The following RASA3 variants were observed in gnomAD, a reference collection of about 807,000 sequenced individuals.
The protein encoded by RASA3 is RAS p21 protein activator 3.
In RASA3, 73 loss-of-function variants were observed where a neutral mutation model predicts 110.0. That is an observed-to-expected ratio of 0.66 (90% CI 0.55 to 0.81). RASA3 has a LOEUF of 0.81. Among genes scored for constraint, RASA3 ranks in the 30% least tolerant of loss-of-function variants. The probability of loss-of-function intolerance (pLI) is 0.00; values close to 1 mark genes in which losing one functional copy is unlikely to be tolerated. For synonymous variants in RASA3, 500 were observed against 451.4 expected (o/e 1.11, Z -1.37); for missense variants, 976 against 1,113.2 (o/e 0.88, Z 1.75).
chr13:113,998,523 T>C (rs1322521306), intron 20 of RASA3, among the ~76,000 whole-genome samples: 2 of 152,222 alleles, frequency 1.3e-5, no homozygotes, highest in Non-Finnish European at 1.5e-5. Context: ...CCAGCCAGCA[T>C]GTGTCAGGGT....
At chr13:114,102,694 G>C (rs2080075177) in intron 1 of RASA3, among the ~76,000 whole-genome samples, 1 of 152,188 alleles carries the variant, frequency 6.6e-6, no homozygotes, top group African/African-American at 2.4e-5. Flanking sequence ...CACAGCCAAG[G>C]CTGCGGCGTC....
intron 1 of RASA3, among the ~76,000 whole-genome samples, chr13:114,092,508 G>T (rs185017123): frequency 8.5e-5 from 13 of 152,104 alleles, no homozygotes; most frequent in East Asian, 1.9e-4. Context: ...TAGTTTTTTT[G>T]ATTGTGTTGA....
intron 2 of RASA3, among the ~76,000 whole-genome samples, chr13:114,068,463 C>G (rs972936097): frequency 1.3e-5 from 2 of 152,264 alleles, no homozygotes; most frequent in African/African-American, 2.4e-5. Flanking sequence ...AATATTCTTG[C>G]AAATGACTGG....
chr13:114,105,530 C>T (rs72659567), intron 1 of RASA3, among the ~76,000 whole-genome samples: 22,318 of 152,152 alleles, frequency 0.15, 1,895 homozygotes, highest in Middle Eastern at 0.21. Context: ...TCCTCCAGCA[C>T]GGGGACAGGG....
At chr13:114,002,276 G>C (rs1309306476) in intron 18 of RASA3, among the ~76,000 whole-genome samples, 1 of 152,240 alleles carries the variant, frequency 6.6e-6, no homozygotes, top group East Asian at 1.9e-4. Flanking sequence ...TGGCCAGAGA[G>C]CTGTGGACGC....
At chr13:113,984,724 T>TCCAC (rs2053013116) in intron 22 of RASA3, among the ~76,000 whole-genome samples, 1 of 73,332 alleles carries the variant, frequency 1.4e-5, no homozygotes, top group African/African-American at 4.4e-5. Context: ...TGTCCATCCA[T>TCCAC]CCATCACTCA....
rs1182551465 is a variant in RASA3 at position 114,009,456 on chromosome 13, A to C, written c.1599T>G (p.Phe533Leu). The C allele has an allele frequency of 3.7e-6, 6 of 1,609,212 alleles. No individual in the cohort carries two copies. The highest frequency in any genetic ancestry group is 5.1e-6 in the Non-Finnish European group (6 of 1,176,924). The change falls in exon 17 of 24, where the codon TTT (phenylalanine) becomes TTG (leucine). Residue 533 changes from phenylalanine (F) to leucine (L), a missense_variant. Around this residue, in one of 4 missense-constraint regions of RASA3, gnomAD observed 732 missense variants for 779.7 expected, o/e 0.94. Coordinates refer to ENST00000334062, the MANE Select transcript of RASA3 (RefSeq NM_007368.4). Reference sequence around the variant, plus strand: ...AAAATGTAGCCATGTAGGACTCCTTAAAACTCGCCTAAAATGAAACGGAGA... The same window carrying C: ...AAAATGTAGCCATGTAGGACTCCTTCAAACTCGCCTAAAATGAAACGGAGA... ...GSLSKSKSAS[F>L]KESYMATFYE... is the part of the protein sequence containing the mutation.
chr13:114,102,070 G>A (rs1316736940), intron 1 of RASA3, among the ~76,000 whole-genome samples: 3 of 152,166 alleles, frequency 2.0e-5, no homozygotes, highest in Admixed American at 6.5e-5. Flanking sequence ...AGCCTTGAGC[G>A]GAGACCCCCA....
intron 3 of RASA3, among the ~76,000 whole-genome samples, chr13:114,051,708 G>C (rs1291663702): frequency 6.6e-6 from 1 of 152,120 alleles, no homozygotes; most frequent in Non-Finnish European, 1.5e-5. Context: ...GGTGAGGAGG[G>C]AGGCCCCACA....
At chr13:114,051,387 C>T (rs771012073) in intron 3 of RASA3, among the ~76,000 whole-genome samples, 23 of 152,234 alleles carry the variant, frequency 1.5e-4, no homozygotes, top group Non-Finnish European at 2.8e-4. Flanking sequence ...ACGCCTGCTG[C>T]GTGAGGTCTG....
intron 20 of RASA3, 94 bp from the exon 21 acceptor site, chr13:113,996,833 G>T: frequency 8.8e-7 from 1 of 1,137,888 alleles, no homozygotes; most frequent in Non-Finnish European, 1.3e-6. Flanking sequence ...CCTCGCCGGA[G>T]TCGTAAGAGG....
At chr13:114,020,311 C>T (rs974876054) in intron 9 of RASA3, among the ~76,000 whole-genome samples, 1 of 151,904 alleles carries the variant, frequency 6.6e-6, no homozygotes, top group African/African-American at 2.4e-5. Flanking sequence ...TTAGCCGCCC[C>T]CCATCGCCCC....
intron 1 of RASA3, among the ~76,000 whole-genome samples, chr13:114,100,437 G>A (rs1032707538): frequency 6.6e-6 from 1 of 152,238 alleles, no homozygotes; most frequent in African/African-American, 2.4e-5. Flanking sequence ...CTGGAAAGGG[G>A]AGGAAGGTCC....
rs554783098 is a variant in RASA3, at chr13:114,013,252, C to T, written c.1406-4G>A. On this transcript the variant is annotated splice_polypyrimidine_tract_variant and splice_region_variant and intron_variant, in intron 14 of 23. Coordinates refer to ENST00000334062, the MANE Select transcript of RASA3 (RefSeq NM_007368.4). ...GTGTACCTGACGTCCGGGTCATCTG[C>T]GGGAGAGAGAAGCAGGGTGACCGTT... is the stretch of plus-strand genomic sequence containing the variant. 2.1e-5 allele frequency: 34 copies of T among 1,607,922 alleles called. No individual in the cohort carries two copies. Among genetic ancestry groups the T allele is most frequent in the East Asian group, 1.6e-4 (7 of 44,720 alleles).
chr13:114,038,207 C>A (rs987026328), intron 4 of RASA3, among the ~76,000 whole-genome samples: 1 of 152,238 alleles, frequency 6.6e-6, no homozygotes, highest in South Asian at 2.1e-4. Flanking sequence ...ACCCCAGCGA[C>A]GGCGGGTATC....
At position 114,051,314 on chromosome 13, in the gene RASA3, C is replaced by T. The variant is rs1357042378; in HGVS notation, c.277+738G>A. Reference sequence around the variant, plus strand: ...GGCGTGAGCTCAGGCGCCACAGGACCCCTCCTCCCTTCCTGGCTCTCCCAG... The same window carrying T: ...GGCGTGAGCTCAGGCGCCACAGGACTCCTCCTCCCTTCCTGGCTCTCCCAG... On this transcript the variant is annotated intron_variant, in intron 3 of 23. Coordinates refer to ENST00000334062, the MANE Select transcript of RASA3 (RefSeq NM_007368.4). 1.1e-4 allele frequency among the ~76,000 whole-genome samples: 17 copies of T among 152,238 alleles called. 1 individual carries two copies. Among genetic ancestry groups the T allele is most frequent in the Admixed American group, 1.1e-3 (17 of 15,294 alleles).
At position 114,027,423 on chromosome 13, in the gene RASA3, T is replaced by C; in HGVS notation, c.569A>G (p.Asn190Ser). The change falls in exon 7 of 24, where the codon AAC becomes AGC. Residue 190 changes from asparagine to serine, a missense_variant. By Grantham distance (46) the Asn-to-Ser change is conservative. Transcript: ENST00000334062. ...AAACACTTCATCGAACTGGGGATTG[T>C]TGGTCTTCCTCTTCACTTTCGTCTT... ...AKKTKVKRKT[N>S]NPQFDEVFYF... 6.2e-7 allele frequency: 1 copy of C among 1,613,452 alleles called. No individual in the cohort carries two copies. Among genetic ancestry groups the C allele is most frequent in the Non-Finnish European group, 8.5e-7 (1 of 1,179,432 alleles).
chr13:114,116,782 A>C (rs61971989), intron 1 of RASA3, among the ~76,000 whole-genome samples: 1 of 146,096 alleles, frequency 6.8e-6, no homozygotes, highest in Non-Finnish European at 1.5e-5. Context: ...ACGTGTGTGA[A>C]GGGTGCACGT....
chr13:114,115,318 C>A lies in RASA3; in HGVS notation c.55+17117G>T, dbSNP rs1455260094. Among the ~76,000 whole-genome samples, 1 of 152,182 alleles carries A rather than the reference C, an allele frequency of 6.6e-6. No homozygotes were observed. The highest frequency in any genetic ancestry group is 1.9e-4 in the East Asian group (1 of 5,198). ...TGAGGATGTGAGTTCAATAGATGAA[C>A]ACCCCACCTTGGTGACACAGAGGCT... On this transcript the variant is annotated intron_variant, in intron 1 of 23. Coordinates refer to ENST00000334062, the MANE Select transcript of RASA3 (RefSeq NM_007368.4). This position sits in a 1 kb window ranked among gnomAD's most constrained non-coding sequence, Gnocchi z 5.0.
Sources: allele counts gnomAD v4.1 joint callset (sites outside exome capture counted in the v4.1 genomes callset), GRCh38; gene constraint gnomAD v4.1.1; regional missense constraint gnomAD v4.1.1; non-coding constraint Gnocchi (gnomAD v3.1); transcripts MANE v1.5; gene names NCBI Gene and HGNC (gene_info 2026-07-23, HGNC 2026-07-21).